DCAF17: variants seen among roughly 807,000 people sequenced by gnomAD.
DCAF17 encodes DDB1- and CUL4-associated factor 17.
In DCAF17, 48 loss-of-function variants were observed where a neutral mutation model predicts 66.0. That is an observed-to-expected ratio of 0.73 (90% confidence interval 0.58 to 0.92). The LOEUF is 0.92. Among genes scored for constraint, DCAF17 ranks in the 40% least tolerant of loss-of-function variants. The pLI is 0.00. For missense variants in DCAF17, 562 were observed against 622.8 expected, an observed-to-expected ratio of 0.90 and a Z score of 1.04; for synonymous variants, 206 against 214.6, an observed-to-expected ratio of 0.96 and a Z score of 0.35.
chr2:171,439,426 G>T (rs1380625443), intron 2 of DCAF17, among the ~76,000 whole-genome samples: 1 of 150,964 alleles, frequency 6.6e-6, no homozygotes, highest in Non-Finnish European at 1.5e-5. Context: ...TCTGTCCTTG[G>T]CTGCATCCAG....
intron 11 of DCAF17, 116 bp downstream of exon 11, chr2:171,477,066 A>C: frequency 1.3e-6 from 1 of 770,696 alleles, no homozygotes; most frequent in Non-Finnish European, 2.2e-6. Flanking sequence ...AGCCCTATAA[A>C]AGTCTGTACA....
At chr2:171,443,249 C>T in intron 2 of DCAF17, 2 of 244,690 alleles carry the variant, frequency 8.2e-6, no homozygotes, top group Non-Finnish European at 1.6e-5. Context: ...AAACAACGTC[C>T]AGGTACGTAT....
At chr2:171,451,212 G>A (rs17286415) in intron 5 of DCAF17, among the ~76,000 whole-genome samples, 30,630 of 151,714 alleles carry the variant, frequency 0.2, 3,239 homozygotes, top group South Asian at 0.28. Context: ...TGCCCCTGAA[G>A]CCAAGCAAAC....
chr2:171,470,511 G>A (rs984361687), intron 9 of DCAF17, among the ~76,000 whole-genome samples: 4 of 152,144 alleles, frequency 2.6e-5, no homozygotes, highest in Admixed American at 6.5e-5. Flanking sequence ...TTTTGTAGGA[G>A]CATTGTTCCC....
intron 2 of DCAF17, among the ~76,000 whole-genome samples, chr2:171,442,494 G>A (rs1232502262): frequency 1.3e-5 from 2 of 150,076 alleles, no homozygotes; most frequent in Non-Finnish European, 1.5e-5. Flanking sequence ...AACCTGGGAA[G>A]CGGAGGTTGC....
chr2:171,459,859 A>G (rs1485205775), intron 8 of DCAF17, among the ~76,000 whole-genome samples: 2 of 152,320 alleles, frequency 1.3e-5, no homozygotes, highest in East Asian at 1.9e-4. Flanking sequence ...AGGCAGTTGT[A>G]TGAAAATTCA....
intron 12 of DCAF17, among the ~76,000 whole-genome samples, 168 bp downstream of exon 12, chr2:171,478,238 C>T (rs367574996): frequency 3.5e-4 from 53 of 152,166 alleles, no homozygotes; most frequent in African/African-American, 1.2e-3. Flanking sequence ...ACCCATCATC[C>T]TCTCTTTTCA....
Position 171,482,512 on chromosome 2 carries a change from CAA to C in DCAF17, c.*1399_*1400del, listed in dbSNP as rs1344861403. ...CTCAGTAAACTTACATCTTGAAAAA[CAA>C]GACCAGTAAGAGGCCAGTGAAAGTA... On this transcript the variant is annotated 3_prime_UTR_variant, in exon 14 of 14. Coordinates refer to ENST00000375255, the MANE Select transcript of DCAF17 (RefSeq NM_025000.4). 2 of 453,916 alleles carry C rather than the reference CAA, an allele frequency of 4.4e-6. No homozygotes were observed. The highest frequency in any genetic ancestry group is 4.0e-5 in the African/African-American group (2 of 49,970). 28.1% of individuals were successfully genotyped at this position (453,916 alleles called of 1,614,324 possible).
chr2:171,436,304 G>A (rs1241320192), intron 2 of DCAF17, among the ~76,000 whole-genome samples: 1 of 152,038 alleles, frequency 6.6e-6, no homozygotes, highest in East Asian at 1.9e-4. Flanking sequence ...TTTTATGTGG[G>A]CATTTATTTT....
At chr2:171,452,712 C>T (rs965861876) in intron 5 of DCAF17, among the ~76,000 whole-genome samples, 8 of 152,204 alleles carry the variant, frequency 5.3e-5, no homozygotes, top group African/African-American at 1.9e-4. Context: ...GATCCTCCTG[C>T]CTTAGCCTCC....
intron 4 of DCAF17, 114 bp from the exon 5 acceptor site, chr2:171,449,765 T>G: frequency 1.4e-6 from 1 of 690,344 alleles, no homozygotes; most frequent in Non-Finnish European, 2.3e-6. Context: ...TAGATCACTT[T>G]GCTTTTATAA....
intron 2 of DCAF17, among the ~76,000 whole-genome samples, chr2:171,437,477 G>A (rs1316370934): frequency 6.6e-6 from 1 of 152,166 alleles, no homozygotes; most frequent in African/African-American, 2.4e-5. Flanking sequence ...ATACCACATT[G>A]TCTTGATCAC....
chr2:171,443,598 A>T lies in DCAF17; in HGVS notation c.306A>T (p.Leu102Phe). 14 of 1,612,990 alleles carry T rather than the reference A, an allele frequency of 8.7e-6. No homozygotes were observed. The highest frequency in any genetic ancestry group is 1.2e-5 in the Non-Finnish European group (14 of 1,179,304). ...CAGAAAAAATAGAGGATGCTTTATTATGGGAATGCCCAGTGGTAAGATTTG... is the reference window on the plus strand; with the variant it reads ...CAGAAAAAATAGAGGATGCTTTATTTTGGGAATGCCCAGTGGTAAGATTTG... ...SKSEKIEDAL[L>F]WECPVGDILP... The change falls in exon 3 of 14, where the codon TTA (leucine) becomes TTT (phenylalanine). Residue 102 changes from leucine to phenylalanine, a missense_variant. Transcript: ENST00000375255.
chr2:171,440,808 CTT>C (rs1694264916), intron 2 of DCAF17, among the ~76,000 whole-genome samples: 1 of 152,140 alleles, frequency 6.6e-6, no homozygotes, highest in African/African-American at 2.4e-5. Flanking sequence ...CAGTATCCAC[CTT>C]TCTCTCCAGT....
chr2:171,449,462 G>T (rs1330648677), intron 4 of DCAF17, among the ~76,000 whole-genome samples: 1 of 152,086 alleles, frequency 6.6e-6, no homozygotes. Context: ...CAGTTAAATT[G>T]TCTGCTGTGT....
At chr2:171,460,476 G>T (rs933137047) in intron 8 of DCAF17, among the ~76,000 whole-genome samples, 48 of 151,620 alleles carry the variant, frequency 3.2e-4, no homozygotes, top group African/African-American at 1.0e-3. Context: ...ACTAGTAAGG[G>T]TGACACTCTG....
Position 171,478,049 on chromosome 2 carries a change from G to A in DCAF17, c.1245G>A (p.Leu415=), listed in dbSNP as rs2105810415. 6.2e-7 allele frequency: 1 copy of A among 1,613,780 alleles called. No homozygotes were observed. The highest frequency in any genetic ancestry group is 2.2e-5 in the East Asian group (1 of 44,868). The change falls in exon 12 of 14, where the codon CTG becomes CTA. Residue 415 remains leucine (L), a synonymous_variant. Coordinates refer to ENST00000375255, the MANE Select transcript of DCAF17 (RefSeq NM_025000.4). Reference sequence around the variant, plus strand: ...TGGTAAAAAAAAGTTTTAACCTTCTGGATGATGACCCAGAACAAGAGGTAT... The same window carrying A: ...TGGTAAAAAAAAGTTTTAACCTTCTAGATGATGACCCAGAACAAGAGGTAT... ...GRVVKKSFNL[L]DDDPEQETFK...
Position 171,463,360 on chromosome 2 carries a change from G to T in DCAF17, c.838+4883G>T, listed in dbSNP as rs2105784473. 2.0e-5 allele frequency among the ~76,000 whole-genome samples: 3 copies of T among 150,738 alleles called. 1 individual carries two copies. In the South Asian group the frequency reaches 6.3e-4, roughly 32 times the overall value. Reference sequence around the variant, plus strand: ...ATATAAAAATCTTCATTTGTGTAAAGTATTGTGTAAAGTATTCATACTCAT... The same window carrying T: ...ATATAAAAATCTTCATTTGTGTAAATTATTGTGTAAAGTATTCATACTCAT... On this transcript the variant is annotated intron_variant, in intron 8 of 13. Transcript: ENST00000375255.
chr2:171,435,489 A>G (rs1457212088), intron 2 of DCAF17, among the ~76,000 whole-genome samples: 1 of 151,960 alleles, frequency 6.6e-6, no homozygotes, highest in African/African-American at 2.4e-5. Context: ...CCAGTTGCCA[A>G]TCAAATAATT....
Sources: allele counts gnomAD v4.1 joint callset (sites outside exome capture counted in the v4.1 genomes callset), GRCh38; gene constraint gnomAD v4.1.1; transcripts MANE v1.5; gene names NCBI Gene and HGNC (gene_info 2026-07-23, HGNC 2026-07-21).